RASAL2: variants seen among roughly 807,000 people sequenced by gnomAD.
RASAL2 encodes ras GTPase-activating protein nGAP.
In RASAL2, 58 loss-of-function variants were observed where a neutral mutation model predicts 128.9. The observed-to-expected ratio is 0.45, with a 90% CI of 0.36 to 0.56. The LOEUF (loss-of-function observed/expected upper bound fraction) is 0.56, where lower values mean the gene tolerates loss of function less well. Among genes scored for constraint, RASAL2 ranks in the 20% least tolerant of loss-of-function variants. RASAL2 has a pLI of 0.00. For missense variants in RASAL2, 1,360 were observed against 1,601.6 expected (o/e 0.85, Z 2.57); for synonymous variants, 561 against 580.8 (o/e 0.97, Z 0.49).
At chr1:178,443,943 A>G (rs1187125440) in intron 8 of RASAL2, among the ~76,000 whole-genome samples, 1 of 152,166 alleles carries the variant, frequency 6.6e-6, no homozygotes, top group Non-Finnish European at 1.5e-5. Context: ...AAAGAAACTC[A>G]CAGCTAGAAT....
At chr1:178,170,778 A>C (rs17276066) in intron 1 of RASAL2, among the ~76,000 whole-genome samples, 4,592 of 151,854 alleles carry the variant, frequency 0.03, 100 homozygotes, top group Non-Finnish European at 0.045. Context: ...TCAGCAATTC[A>C]ACATAAATGC....
intron 1 of RASAL2, among the ~76,000 whole-genome samples, chr1:178,130,607 A>T (rs1025673100): frequency 6.6e-6 from 1 of 152,236 alleles, no homozygotes; most frequent in Non-Finnish European, 1.5e-5. Context: ...TGTAACGTCT[A>T]GTATCTTAGA....
chr1:178,150,424 G>A (rs1660872714), intron 1 of RASAL2, among the ~76,000 whole-genome samples: 1 of 152,224 alleles, frequency 6.6e-6, no homozygotes, highest in African/African-American at 2.4e-5. Flanking sequence ...GACCTCAGGT[G>A]ATCCACCCGC....
chr1:178,109,411 C>G (rs1571484606), intron 1 of RASAL2, among the ~76,000 whole-genome samples: 1 of 152,110 alleles, frequency 6.6e-6, no homozygotes, highest in African/African-American at 2.4e-5. Context: ...TTCACATGTT[C>G]TTTTCTAAAA....
At chr1:178,115,898 G>A (rs1049944650) in intron 1 of RASAL2, among the ~76,000 whole-genome samples, 5 of 151,290 alleles carry the variant, frequency 3.3e-5, no homozygotes, top group African/African-American at 1.2e-4. Flanking sequence ...TGGATATGGG[G>A]GCAGGCAGAT....
At chr1:178,099,876 C>T (rs898695911) in intron 1 of RASAL2, among the ~76,000 whole-genome samples, 7 of 152,012 alleles carry the variant, frequency 4.6e-5, no homozygotes, top group East Asian at 1.9e-4. Flanking sequence ...GCAGGAGAAT[C>T]GCTTGAACCA....
chr1:178,129,876 A>G (rs1231623734), intron 1 of RASAL2, among the ~76,000 whole-genome samples: 4 of 152,158 alleles, frequency 2.6e-5, no homozygotes, highest in Non-Finnish European at 5.9e-5. Flanking sequence ...GTTGAAAAAT[A>G]AATGTTTGAT....
chr1:178,369,959 T>A (rs989655148), intron 3 of RASAL2, among the ~76,000 whole-genome samples: 4 of 152,200 alleles, frequency 2.6e-5, no homozygotes, highest in Non-Finnish European at 5.9e-5. Context: ...TACTTTAAGA[T>A]GTCAGGGAAG....
chr1:178,150,386 A>G (rs1473606243), intron 1 of RASAL2, among the ~76,000 whole-genome samples: 2 of 152,040 alleles, frequency 1.3e-5, no homozygotes, highest in Admixed American at 6.6e-5. Flanking sequence ...GGGTTTTGCC[A>G]TGTTGGGCAG....
chr1:178,328,393 A>G (rs1028338889), intron 3 of RASAL2, among the ~76,000 whole-genome samples: 1 of 152,140 alleles, frequency 6.6e-6, no homozygotes, highest in Non-Finnish European at 1.5e-5. Flanking sequence ...AGCATTAATC[A>G]TTTCTTTGTA....
At chr1:178,314,019 G>A (rs2102310928) in intron 3 of RASAL2, among the ~76,000 whole-genome samples, 1 of 152,280 alleles carries the variant, frequency 6.6e-6, no homozygotes. Flanking sequence ...AAATTCAGCT[G>A]AAATAATGCT....
intron 1 of RASAL2, among the ~76,000 whole-genome samples, chr1:178,187,614 A>ATTTC: frequency 6.6e-6 from 1 of 151,990 alleles, no homozygotes; most frequent in African/African-American, 2.4e-5. Flanking sequence ...AACCGGAAAA[A>ATTTC]CTGTTACTTG....
chr1:178,219,395 C>T lies in RASAL2; in HGVS notation c.203-64169C>T, dbSNP rs189828477. ...AGGTGTGGTGGCTCACACCTGTAAT[C>T]CCAGCACTTTGGGAGGCTGAGGCTG... On this transcript the variant is annotated intron_variant, in intron 1 of 17. Transcript: ENST00000367649. Among the ~76,000 whole-genome samples, 250 of 152,112 alleles carry T rather than the reference C, an allele frequency of 1.6e-3. No individual in the cohort carries two copies. The Middle Eastern group carries it at 0.027, about 17-fold the overall frequency.
At chr1:178,250,318 T>C (rs1281312812) in intron 1 of RASAL2, among the ~76,000 whole-genome samples, 1 of 152,210 alleles carries the variant, frequency 6.6e-6, no homozygotes, top group Non-Finnish European at 1.5e-5. Context: ...CACAGCCACA[T>C]TGCTGTGCTG....
At chr1:178,359,926 A>T (rs934437476) in intron 3 of RASAL2, among the ~76,000 whole-genome samples, 5 of 152,208 alleles carry the variant, frequency 3.3e-5, no homozygotes, top group African/African-American at 9.7e-5. Flanking sequence ...TTTTTTTAAC[A>T]TATGGACTCA....
At chr1:178,266,963 T>C (rs995787902) in intron 1 of RASAL2, among the ~76,000 whole-genome samples, 3 of 152,178 alleles carry the variant, frequency 2.0e-5, no homozygotes, top group African/African-American at 7.2e-5. Flanking sequence ...CAGTTTCTAA[T>C]GGCTGGCATT....
At chr1:178,410,904 A>G (rs1674325330) in intron 4 of RASAL2, among the ~76,000 whole-genome samples, 1 of 152,202 alleles carries the variant, frequency 6.6e-6, no homozygotes, top group African/African-American at 2.4e-5. Flanking sequence ...AAAAGGGAAC[A>G]CTTTTACACT....
At chr1:178,394,859 G>T (rs984379348) in intron 4 of RASAL2, among the ~76,000 whole-genome samples, 10 of 151,990 alleles carry the variant, frequency 6.6e-5, no homozygotes, top group African/African-American at 2.4e-4. Context: ...AGAAAACATT[G>T]TCAAAAAAAC....
At chr1:178,127,816 A>C (rs984715119) in intron 1 of RASAL2, among the ~76,000 whole-genome samples, 1 of 152,024 alleles carries the variant, frequency 6.6e-6, no homozygotes, top group Non-Finnish European at 1.5e-5. Context: ...ACATCATTTC[A>C]GTTGAATTTT....
Sources: allele counts gnomAD v4.1 joint callset (sites outside exome capture counted in the v4.1 genomes callset), GRCh38; gene constraint gnomAD v4.1.1; transcripts MANE v1.5; gene names NCBI Gene and HGNC (gene_info 2026-07-23, HGNC 2026-07-21).